HSDL2: variants seen among roughly 807,000 people sequenced by gnomAD.
The protein encoded by HSDL2 is hydroxysteroid dehydrogenase-like protein 2.
Under a neutral mutation model 46.3 loss-of-function variants are expected in HSDL2, and 27 were observed. The ratio of observed to expected loss-of-function variants is 0.58; its 90% CI spans 0.43 to 0.80. HSDL2 has a LOEUF of 0.80. Among genes scored for constraint, HSDL2 ranks in the 30% least tolerant of loss-of-function variants. HSDL2 has a pLI of 0.00. For missense variants in HSDL2, 451 were observed against 502.7 expected (o/e 0.90, Z 0.98); for synonymous variants, 153 against 163.6 (o/e 0.94, Z 0.50).
chr9:112,470,157 C>A (rs911563206), intron 10 of HSDL2, among the ~76,000 whole-genome samples: 15 of 152,206 alleles, frequency 9.9e-5, no homozygotes, highest in African/African-American at 3.1e-4. Context: ...GGCCGTGTAT[C>A]CTTTAGTGTA....
chr9:112,452,758 G>C (rs190860246), intron 8 of HSDL2, among the ~76,000 whole-genome samples: 14 of 152,222 alleles, frequency 9.2e-5, no homozygotes, highest in Admixed American at 3.9e-4. Flanking sequence ...ATAAATAAAG[G>C]AACAGAGACA....
intron 8 of HSDL2, among the ~76,000 whole-genome samples, chr9:112,447,339 G>A (rs754451291): frequency 6.6e-6 from 1 of 151,594 alleles, no homozygotes; most frequent in Admixed American, 6.6e-5. Flanking sequence ...TCATGTTTAC[G>A]TCTCAATAAT....
At chr9:112,424,812 T>C (rs547532237) in intron 6 of HSDL2, among the ~76,000 whole-genome samples, 12 of 151,386 alleles carry the variant, frequency 7.9e-5, no homozygotes, top group Non-Finnish European at 1.6e-4. Context: ...TTTATATTTA[T>C]ATTTTTTCAA....
rs182875608 is a variant in HSDL2 at position 112,417,843 on chromosome 9, C to T, written c.499+899C>T. On this transcript the variant is annotated intron_variant, in intron 5 of 10. Transcript: ENST00000398805. ...CTGTAATCCCAGCACTTTGGGAAGC[C>T]GAGACAGGCAGATCACTTGAGGTCA... Among the ~76,000 whole-genome samples the T allele has an allele frequency of 1.9e-3, 277 of 149,244 alleles. 1 individual carries two copies. The highest frequency in any genetic ancestry group is 3.6e-3 in the Middle Eastern group (1 of 274).
At chr9:112,453,778 A>G in intron 8 of HSDL2, among the ~76,000 whole-genome samples, 1 of 152,350 alleles carries the variant, frequency 6.6e-6, no homozygotes, top group East Asian at 1.9e-4. Context: ...CTAATCTGAA[A>G]GTCAGCCTTT....
chr9:112,461,456 T>A (rs1207426421), intron 10 of HSDL2, among the ~76,000 whole-genome samples: 3 of 152,202 alleles, frequency 2.0e-5, no homozygotes, highest in Non-Finnish European at 4.4e-5. Flanking sequence ...AACACAGTGC[T>A]TTGGACACAT....
At chr9:112,396,416 CTGT>C (rs1282111161) in intron 1 of HSDL2, among the ~76,000 whole-genome samples, 2 of 152,140 alleles carry the variant, frequency 1.3e-5, no homozygotes, top group East Asian at 1.9e-4. Context: ...TGCAGGTGGG[CTGT>C]TGTTTAGAAA....
At chr9:112,408,846 G>A (rs1242434092) in intron 3 of HSDL2, 61 bp from the exon 4 acceptor site, 7 of 872,862 alleles carry the variant, frequency 8.0e-6, no homozygotes, top group Non-Finnish European at 1.3e-5. Context: ...GAGAGTAAAC[G>A]CTTTTTTTGT....
intron 1 of HSDL2, among the ~76,000 whole-genome samples, chr9:112,389,268 C>G (rs774745214): frequency 1.3e-5 from 2 of 152,144 alleles, no homozygotes; most frequent in South Asian, 2.1e-4. Flanking sequence ...AAGTGATCCC[C>G]GTCTTGGTCT....
chr9:112,453,918 A>G, intron 8 of HSDL2, 95 bp from the exon 9 acceptor site: 1 of 1,211,238 alleles, frequency 8.3e-7, no homozygotes, highest in Non-Finnish European at 1.1e-6. Flanking sequence ...AAATAGGTCT[A>G]ATTGGTGGCA....
intron 1 of HSDL2, among the ~76,000 whole-genome samples, chr9:112,400,845 T>G (rs1456142205): frequency 1.3e-5 from 2 of 152,238 alleles, no homozygotes; most frequent in African/African-American, 4.8e-5. Flanking sequence ...ATTCTCCATG[T>G]GGCTGTCTTT....
chr9:112,416,523 T>C (rs531669392), intron 4 of HSDL2, among the ~76,000 whole-genome samples: 1 of 147,246 alleles, frequency 6.8e-6, no homozygotes, highest in East Asian at 2.0e-4. Flanking sequence ...GAGTCTGAGG[T>C]AGGAGGAGTG....
rs763431148 is a variant in HSDL2 at position 112,403,991 on chromosome 9, G to T, written c.18-4G>T. ...CTAATAAGGTCGTATTTGTTCTGTT[G>T]TAGGAGGCTGGCAGGATGTACAGTT... is the stretch of plus-strand genomic sequence containing the variant. On this transcript the variant is annotated splice_region_variant and splice_polypyrimidine_tract_variant and intron_variant, in intron 1 of 10. Coordinates refer to ENST00000398805, the MANE Select transcript of HSDL2 (RefSeq NM_032303.5). 1.2e-6 allele frequency: 2 copies of T among 1,613,638 alleles called. No individual in the cohort carries two copies. The highest frequency in any genetic ancestry group is 1.7e-6 in the Non-Finnish European group (2 of 1,179,710).
chr9:112,418,811 AAATT>A (rs778636740), intron 5 of HSDL2, 45 bp from the exon 6 acceptor site: 1 of 1,087,868 alleles, frequency 9.2e-7, no homozygotes, highest in Non-Finnish European at 1.3e-6. Context: ...CAAGTTAATC[AAATT>A]AATTTCTTTT....
At position 112,411,301 on chromosome 9, in the gene HSDL2, G is replaced by A. The variant is rs115738053; in HGVS notation, c.395+2280G>A. Among the ~76,000 whole-genome samples the A allele has an allele frequency of 2.3e-3, 345 of 152,358 alleles. 1 individual carries two copies. The highest frequency in any genetic ancestry group is 7.8e-3 in the African/African-American group (324 of 41,580). Reference sequence around the variant, plus strand: ...GGTGAAAGCTTACTTGTTTGTAGATGTAAGGCATATTTCTATAAATTCGAT... The same window carrying A: ...GGTGAAAGCTTACTTGTTTGTAGATATAAGGCATATTTCTATAAATTCGAT... On this transcript the variant is annotated intron_variant, in intron 4 of 10. Coordinates refer to ENST00000398805, the MANE Select transcript of HSDL2 (RefSeq NM_032303.5).
rs1383971651 is a variant in HSDL2, at chr9:112,418,912, A to G, written c.552A>G (p.Glu184=). 7 of 1,606,966 alleles carry G rather than the reference A, an allele frequency of 4.4e-6. No homozygotes were observed. The highest frequency in any genetic ancestry group is 5.1e-6 in the Non-Finnish European group (6 of 1,175,184). The change falls in exon 6 of 11, where the codon GAA becomes GAG. Residue 184 remains glutamate, a synonymous_variant. Coordinates refer to ENST00000398805, the MANE Select transcript of HSDL2 (RefSeq NM_032303.5). The part of the protein sequence containing the change: ...GMSMYVLGMA[E]EFKGEIAVNA... ...CTATGTATGTGCTTGGAATGGCAGA[A>G]GAATTTAAAGGTGAAATTGCAGTCA... is the stretch of plus-strand genomic sequence containing the variant.
At chr9:112,425,510 A>G (rs988607436) in intron 6 of HSDL2, among the ~76,000 whole-genome samples, 9 of 152,188 alleles carry the variant, frequency 5.9e-5, no homozygotes, top group Non-Finnish European at 1.3e-4. Flanking sequence ...ATACTCCTCA[A>G]ATGTGTGAAC....
At chr9:112,403,439 G>A (rs949426020) in intron 1 of HSDL2, among the ~76,000 whole-genome samples, 1 of 152,208 alleles carries the variant, frequency 6.6e-6, no homozygotes, top group African/African-American at 2.4e-5. Flanking sequence ...TTATTTCATT[G>A]TATGCGTGGC....
intron 6 of HSDL2, among the ~76,000 whole-genome samples, chr9:112,422,325 A>G (rs1832144030): frequency 6.6e-6 from 1 of 152,178 alleles, no homozygotes; most frequent in African/African-American, 2.4e-5. Flanking sequence ...TAAACAGAAC[A>G]CCAACACCCA....
Sources: gnomAD v4.1 joint callset for allele counts (sites outside exome capture counted in the v4.1 genomes callset) on GRCh38, gnomAD v4.1.1 for gene constraint, MANE v1.5 for transcripts, NCBI Gene and HGNC (gene_info 2026-07-23, HGNC 2026-07-21) for gene names.